PCDHA1: variants seen among roughly 807,000 people sequenced by gnomAD.
PCDHA1 encodes the protein protocadherin alpha 1.
Under a neutral mutation model 61.3 loss-of-function variants are expected in PCDHA1, and 42 were observed. That is an observed-to-expected ratio of 0.69 (90% CI 0.54 to 0.89). The LOEUF (loss-of-function observed/expected upper bound fraction) is 0.89, where lower values mean the gene tolerates loss of function less well. Among genes scored for constraint, PCDHA1 ranks in the 40% least tolerant of loss-of-function variants. The probability of loss-of-function intolerance (pLI) is 0.00; values close to 1 mark genes in which losing one functional copy is unlikely to be tolerated. For missense variants in PCDHA1, 1,256 were observed against 1,235.3 expected (o/e 1.02, Z -0.25); for synonymous variants, 610 against 553.8 (o/e 1.10, Z -1.43).
At position 140,872,081 on chromosome 5, in the gene PCDHA1, C is replaced by A. The variant is rs559710022; in HGVS notation, c.2394+83397C>A. ...TCCAGAGTAGCTGGGAATGCAGTGC[C>A]ACTGCACTTAGTCCATTGGCTTTCC... On this transcript the variant is annotated intron_variant, in intron 1 of 3. Transcript: ENST00000504120. Among the ~76,000 whole-genome samples the A allele has an allele frequency of 2.6e-5, 4 of 152,212 alleles. No individual in the cohort carries two copies. In the South Asian group the frequency reaches 8.3e-4, roughly 32 times the overall value.
intron 1 of PCDHA1, chr5:140,877,061 T>A (rs2056822485): frequency 3.1e-6 from 5 of 1,612,978 alleles, no homozygotes; most frequent in African/African-American, 1.3e-5. Flanking sequence ...GAGCTGGAGC[T>A]GCTGCAGTTC....
At chr5:140,796,173 T>C (rs1554119744) in intron 1 of PCDHA1, 2 of 1,614,172 alleles carry the variant, frequency 1.2e-6, no homozygotes, top group Admixed American at 1.7e-5. Flanking sequence ...CCTTCAAGAA[T>C]TACTACTCGT....
chr5:140,866,460 A>G (rs2049371963), intron 1 of PCDHA1: 1 of 152,148 alleles, frequency 6.6e-6, no homozygotes, highest in Non-Finnish European at 1.5e-5. Context: ...TTGGCTGGGA[A>G]GCTCATAACA....
chr5:140,855,819 C>T, intron 1 of PCDHA1: 1 of 524,234 alleles, frequency 1.9e-6, no homozygotes, highest in Non-Finnish European at 3.4e-6. Flanking sequence ...AAGTTGTGAA[C>T]TCATGGAATC....
At chr5:140,981,665 CCTTT>C (rs1170982670) in intron 2 of PCDHA1, among the ~76,000 whole-genome samples, 2 of 152,092 alleles carry the variant, frequency 1.3e-5, no homozygotes, top group Non-Finnish European at 2.9e-5. Flanking sequence ...TTTCTTCCTT[CCTTT>C]CTTCCTTCCT....
chr5:140,802,629 T>C (rs1762972242), intron 1 of PCDHA1: 1 of 1,613,844 alleles, frequency 6.2e-7, no homozygotes, highest in Non-Finnish European at 8.5e-7. Flanking sequence ...CTTCACGGTG[T>C]CTGCGCGGGA....
intron 1 of PCDHA1, among the ~76,000 whole-genome samples, chr5:140,946,338 A>T (rs1042874038): frequency 6.6e-6 from 1 of 151,824 alleles, no homozygotes; most frequent in Non-Finnish European, 1.5e-5. Flanking sequence ...ATAACAAGTG[A>T]TGGAGAGGAT....
chr5:140,852,064 C>G, intron 1 of PCDHA1: 1 of 904,052 alleles, frequency 1.1e-6, no homozygotes, highest in Non-Finnish European at 1.3e-6. Flanking sequence ...ATTTTTCTTT[C>G]TCTTTCAGCT....
chr5:140,791,305 TG>T (rs1761638992), intron 1 of PCDHA1, among the ~76,000 whole-genome samples: 1 of 152,210 alleles, frequency 6.6e-6, no homozygotes, highest in Non-Finnish European at 1.5e-5. Context: ...TAACTGCCAG[TG>T]AAAGACTCTT....
chr5:140,787,760 G>A lies in PCDHA1; in HGVS notation c.1470G>A (p.Val490=). ...RDADAQENAL[V]SYSLVERRVG... ...CGGACGCGCAGGAGAACGCGCTGGT[G>A]TCCTATTCGCTGGTGGAACGGCGGG... is the stretch of plus-strand genomic sequence containing the variant. The change falls in exon 1 of 4, where the codon GTG becomes GTA. Residue 490 remains valine, a synonymous_variant. Coordinates refer to ENST00000504120, the MANE Select transcript of PCDHA1 (RefSeq NM_018900.4). 6.2e-7 allele frequency: 1 copy of A among 1,613,262 alleles called. No individual in the cohort carries two copies. Among genetic ancestry groups the A allele is most frequent in the East Asian group, 2.2e-5 (1 of 44,876 alleles).
chr5:140,850,367 G>T, intron 1 of PCDHA1: 3 of 1,597,916 alleles, frequency 1.9e-6, no homozygotes, highest in Non-Finnish European at 8.6e-7. Context: ...CGTTCCGCGT[G>T]GGGCTGTACA....
chr5:140,846,036 T>A (rs2150383909), intron 1 of PCDHA1, among the ~76,000 whole-genome samples: 1 of 149,754 alleles, frequency 6.7e-6, no homozygotes, highest in Non-Finnish European at 1.5e-5. Context: ...TTTAGGAAAG[T>A]CAAGTTAACA....
At chr5:140,873,310 G>A (rs2054217209) in intron 1 of PCDHA1, among the ~76,000 whole-genome samples, 1 of 152,176 alleles carries the variant, frequency 6.6e-6, no homozygotes, top group Admixed American at 6.6e-5. Context: ...TAATAAAGGT[G>A]AATATTAGAT....
chr5:140,910,387 T>G (rs540534807), intron 1 of PCDHA1, among the ~76,000 whole-genome samples: 3 of 152,276 alleles, frequency 2.0e-5, no homozygotes, highest in Admixed American at 6.5e-5. Context: ...CCTTTGACAG[T>G]TGACTGGCCC....
chr5:140,995,674 A>G (rs1205485736), intron 3 of PCDHA1, among the ~76,000 whole-genome samples: 2 of 151,994 alleles, frequency 1.3e-5, no homozygotes, highest in East Asian at 3.9e-4. Flanking sequence ...TAAATGCAGC[A>G]TTTTTTTTAA....
chr5:140,959,646 G>A (rs1222418847), intron 1 of PCDHA1, among the ~76,000 whole-genome samples: 5 of 152,010 alleles, frequency 3.3e-5, no homozygotes, highest in Admixed American at 6.6e-5. Context: ...AAACACAGAA[G>A]CAAAATTGAA....
At chr5:140,956,724 C>T (rs2095305540) in intron 1 of PCDHA1, among the ~76,000 whole-genome samples, 1 of 152,176 alleles carries the variant, frequency 6.6e-6, no homozygotes, top group South Asian at 2.1e-4. Flanking sequence ...AGAATTGGTA[C>T]CAGCTCCTCT....
chr5:140,919,933 T>C (rs2153555434), intron 1 of PCDHA1, among the ~76,000 whole-genome samples: 1 of 152,222 alleles, frequency 6.6e-6, no homozygotes. Flanking sequence ...AGGTGGGGGC[T>C]AATTCCAGTG....
At position 140,850,209 on chromosome 5, in the gene PCDHA1, G is replaced by C. The variant is rs17844333; in HGVS notation, c.2394+61525G>C. ...GGCGCTGCTGACACCTCGGATGAGG[G>C]GCACTGACGGCGCAGTGAGCGAGAT... On this transcript the variant is annotated intron_variant, in intron 1 of 3. Coordinates refer to ENST00000504120, the MANE Select transcript of PCDHA1 (RefSeq NM_018900.4). 7.0e-3 allele frequency: 11,231 copies of C among 1,593,568 alleles called. 1,600 individuals carry two copies. The Admixed American group carries it at 0.15, about 21-fold the overall frequency.
Sources: allele counts gnomAD v4.1 joint callset (sites outside exome capture counted in the v4.1 genomes callset), GRCh38; gene constraint gnomAD v4.1.1; transcripts MANE v1.5; gene names NCBI Gene and HGNC (gene_info 2026-07-23, HGNC 2026-07-21).